PTPRD: variants seen among roughly 807,000 people sequenced by gnomAD.
PTPRD encodes protein tyrosine phosphatase receptor type D.
In PTPRD, 34 loss-of-function variants were observed where a neutral mutation model predicts 214.5. The observed-to-expected ratio is 0.16, with a 90% CI of 0.12 to 0.21. PTPRD has a LOEUF of 0.21. PTPRD is among the 10% of genes least tolerant of loss of function. The pLI, the probability that PTPRD is intolerant of heterozygous loss-of-function variation, is 1.00. For synonymous variants in PTPRD, 1,128 were observed against 845.7 expected (o/e 1.33, Z -5.79); for missense variants, 2,545 against 2,398.7 (o/e 1.06, Z -1.27).
chr9:10,248,249 C>T (rs2092388232), intron 3 of PTPRD, among the ~76,000 whole-genome samples: 1 of 152,040 alleles, frequency 6.6e-6, no homozygotes, highest in Non-Finnish European at 1.5e-5. Flanking sequence ...AGGAGGCTCT[C>T]AGTCAACGTT....
At chr9:8,734,019 C>G in intron 11 of PTPRD, 73 bp from the exon 12 acceptor site, 1 of 622,764 alleles carries the variant, frequency 1.6e-6, no homozygotes, top group South Asian at 1.9e-5. Context: ...TCTTTCCCCC[C>G]TGGTTCCATC....
chr9:8,600,051 A>T (rs2094742868), intron 14 of PTPRD, among the ~76,000 whole-genome samples: 1 of 152,150 alleles, frequency 6.6e-6, no homozygotes, highest in Non-Finnish European at 1.5e-5. Flanking sequence ...CCCCTCCCCC[A>T]TCCCCTGGCT....
chr9:9,123,023 GTTGT>G (rs936462272), intron 10 of PTPRD, among the ~76,000 whole-genome samples: 5 of 152,174 alleles, frequency 3.3e-5, no homozygotes, highest in African/African-American at 9.7e-5. Flanking sequence ...TGTTGTTGTT[GTTGT>G]TTGTTTGTTT....
At chr9:9,891,776 C>G (rs2073429209) in intron 5 of PTPRD, among the ~76,000 whole-genome samples, 1 of 151,978 alleles carries the variant, frequency 6.6e-6, no homozygotes, top group South Asian at 2.1e-4. Context: ...ATAAAACTTA[C>G]TAAATATCGA....
chr9:9,764,794 C>A (rs2098692864), intron 6 of PTPRD, among the ~76,000 whole-genome samples: 1 of 152,060 alleles, frequency 6.6e-6, no homozygotes, highest in African/African-American at 2.4e-5. Context: ...CCAGGAAGGT[C>A]CAATTTCAAA....
intron 7 of PTPRD, among the ~76,000 whole-genome samples, chr9:9,643,874 T>C (rs2096057208): frequency 6.6e-6 from 1 of 152,196 alleles, no homozygotes; most frequent in Non-Finnish European, 1.5e-5. Flanking sequence ...TGGAACTGAT[T>C]TTGCCTTAAT....
intron 2 of PTPRD, among the ~76,000 whole-genome samples, chr9:10,443,442 C>T (rs750830317): frequency 1.3e-5 from 2 of 151,526 alleles, no homozygotes; most frequent in African/African-American, 2.4e-5. Context: ...ATTTGACATA[C>T]TAGTATTCCC....
intron 9 of PTPRD, among the ~76,000 whole-genome samples, chr9:9,362,627 C>G (rs541297994): frequency 2.9e-4 from 44 of 151,378 alleles, no homozygotes; most frequent in South Asian, 1.0e-3. Flanking sequence ...TTGAAATTCA[C>G]TTACCCCTAA....
rs1182823099 is a variant in PTPRD at position 8,877,451 on chromosome 9, C to T, written c.-104+141246G>A. Reference sequence around the variant, plus strand: ...AGGGGACTTTTATAGTGACAGTTTACTTTCATACCGTGAAGGAATTCAGAG... The same window carrying T: ...AGGGGACTTTTATAGTGACAGTTTATTTTCATACCGTGAAGGAATTCAGAG... On this transcript the variant is annotated intron_variant, in intron 11 of 45. Transcript: ENST00000381196. 2.6e-5 allele frequency among the ~76,000 whole-genome samples: 4 copies of T among 152,104 alleles called. No individual in the cohort carries two copies. In the East Asian group the frequency reaches 7.7e-4, roughly 29 times the overall value.
At chr9:8,403,453 C>G (rs7847323) in intron 36 of PTPRD, among the ~76,000 whole-genome samples, 107,740 of 152,128 alleles carry the variant, frequency 0.71, 38,827 homozygotes, top group African/African-American at 0.84. Context: ...CTGTTAGAGG[C>G]ACAGATTTAA....
At chr9:9,351,871 A>G (rs1357877184) in intron 9 of PTPRD, among the ~76,000 whole-genome samples, 4 of 152,072 alleles carry the variant, frequency 2.6e-5, no homozygotes, top group African/African-American at 9.7e-5. Context: ...CATTGGAGAT[A>G]ACATGAATAT....
intron 10 of PTPRD, chr9:9,091,167 A>T: frequency 1.3e-6 from 2 of 1,548,220 alleles, no homozygotes; most frequent in Non-Finnish European, 8.8e-7. Flanking sequence ...GATCTCGTGA[A>T]GTCCGCAAGG....
intron 11 of PTPRD, among the ~76,000 whole-genome samples, chr9:8,737,830 T>C (rs764690109): frequency 2.6e-5 from 4 of 152,140 alleles, no homozygotes; most frequent in African/African-American, 9.7e-5. Flanking sequence ...TTTCTATTTT[T>C]AGTAGAGGCA....
intron 9 of PTPRD, among the ~76,000 whole-genome samples, chr9:9,317,768 A>G (rs565834036): frequency 6.6e-6 from 1 of 152,292 alleles, no homozygotes; most frequent in African/African-American, 2.4e-5. Flanking sequence ...CACCACAGAT[A>G]TAAAATGGAC....
intron 11 of PTPRD, among the ~76,000 whole-genome samples, chr9:8,853,391 G>A (rs2097854953): frequency 6.6e-6 from 1 of 152,116 alleles, no homozygotes; most frequent in African/African-American, 2.4e-5. Flanking sequence ...GCTTAATTGT[G>A]GAGAGTTGAA....
chr9:9,853,397 A>C (rs7033762), intron 5 of PTPRD, among the ~76,000 whole-genome samples: 1 of 151,664 alleles, frequency 6.6e-6, no homozygotes, highest in African/African-American at 2.4e-5. Flanking sequence ...TTCTTGTTTC[A>C]GGACCATATG....
At chr9:10,096,080 T>C (rs1331690709) in intron 3 of PTPRD, among the ~76,000 whole-genome samples, 1 of 151,526 alleles carries the variant, frequency 6.6e-6, no homozygotes, top group East Asian at 2.0e-4. Context: ...CGCATTAGAG[T>C]TTGGATTGAC....
intron 11 of PTPRD, among the ~76,000 whole-genome samples, chr9:8,782,107 TAATGTTTATGGTATAA>T (rs1331005549): frequency 9.4e-5 from 10 of 106,172 alleles, no homozygotes; most frequent in African/African-American, 3.5e-4. Context: ...AAACATACCA[TAATGTTTATGGTATAA>T]AACATACCAT....
At chr9:9,951,492 A>C (rs1378497672) in intron 4 of PTPRD, among the ~76,000 whole-genome samples, 1 of 152,220 alleles carries the variant, frequency 6.6e-6, no homozygotes, top group Admixed American at 6.5e-5. Context: ...TTGAGCGGAT[A>C]AGCATTAAGA....
Sources: gnomAD v4.1 joint callset for allele counts (sites outside exome capture counted in the v4.1 genomes callset) on GRCh38, gnomAD v4.1.1 for gene constraint, MANE v1.5 for transcripts, NCBI Gene and HGNC (gene_info 2026-07-23, HGNC 2026-07-21) for gene names.